CKAP5: variants seen among roughly 807,000 people sequenced by gnomAD.
The protein encoded by CKAP5 is cytoskeleton associated protein 5.
CKAP5 carries 27 observed loss-of-function variants against 232.8 expected under a neutral mutation model. The ratio of observed to expected loss-of-function variants is 0.12; its 90% CI spans 0.09 to 0.16. CKAP5 has a LOEUF of 0.16. Among genes scored for constraint, CKAP5 ranks in the 10% least tolerant of loss-of-function variants. The pLI is 1.00. For missense variants in CKAP5, 1,838 were observed against 2,424.7 expected, an observed-to-expected ratio of 0.76 and a Z score of 5.08; for synonymous variants, 785 against 841.1, an observed-to-expected ratio of 0.93 and a Z score of 1.16.
At chr11:46,782,260 G>C (rs909130056) in intron 18 of CKAP5, among the ~76,000 whole-genome samples, 2 of 152,038 alleles carry the variant, frequency 1.3e-5, no homozygotes, top group Non-Finnish European at 2.9e-5. Flanking sequence ...TGAAGGACTG[G>C]AACAAACAAT....
Position 46,792,202 on chromosome 11 carries a change from A to G in CKAP5, c.1651-1619T>C, listed in dbSNP as rs183533340. 0.019 allele frequency among the ~76,000 whole-genome samples: 140 copies of G among 7,556 alleles called. No individual in the cohort carries two copies. In the Non-Finnish European group the frequency reaches 0.3, roughly 16 times the overall value. 5.0% of individuals were successfully genotyped at this position (7,556 alleles called of 152,430 possible). A position where few individuals can be genotyped will look rare whatever the true frequency, so the allele number is the denominator to read the frequency against. On this transcript the variant is annotated intron_variant, in intron 13 of 43. Transcript: ENST00000529230. The stretch of plus-strand genomic sequence containing the variant: ...TATATGGAGAGATACTTCAAATAAC[A>G]AATCTACTATTCTTTTTGTTGTTGT...
chr11:46,751,581 A>G, intron 38 of CKAP5, 47 bp from the exon 39 acceptor site: 1 of 1,473,142 alleles, frequency 6.8e-7, no homozygotes, highest in Non-Finnish European at 9.2e-7. Flanking sequence ...AAGAATGAGG[A>G]TAATTTGTCA....
chr11:46,814,726 T>A (rs1194176059), intron 4 of CKAP5, among the ~76,000 whole-genome samples: 1 of 152,212 alleles, frequency 6.6e-6, no homozygotes, highest in Admixed American at 6.5e-5. Context: ...ATGAAAAATT[T>A]CATGGCCAAA....
Position 46,760,990 on chromosome 11 carries a change from T to G in CKAP5, c.4222-206A>C, listed in dbSNP as rs567573404. Reference sequence around the variant, plus strand: ...GGGGCTGGGCACAGTGGCTCATGCATGTAATCCCAGCACTTTGGGAGGCCA... The same window carrying G: ...GGGGCTGGGCACAGTGGCTCATGCAGGTAATCCCAGCACTTTGGGAGGCCA... On this transcript the variant is annotated intron_variant, in intron 32 of 43. Coordinates refer to ENST00000529230, the MANE Select transcript of CKAP5 (RefSeq NM_001008938.4). 9.2e-5 allele frequency among the ~76,000 whole-genome samples: 14 copies of G among 152,310 alleles called. No individual in the cohort carries two copies. In the East Asian group the frequency reaches 2.5e-3, roughly 27 times the overall value.
At chr11:46,752,311 T>A (rs2065075722) in intron 38 of CKAP5, among the ~76,000 whole-genome samples, 2 of 147,702 alleles carry the variant, frequency 1.4e-5, no homozygotes, top group Admixed American at 1.4e-4. Flanking sequence ...CACATATATA[T>A]AAAAAACCAT....
chr11:46,806,068 T>C (rs1939146987), intron 8 of CKAP5, among the ~76,000 whole-genome samples: 1 of 152,234 alleles, frequency 6.6e-6, no homozygotes, highest in African/African-American at 2.4e-5. Flanking sequence ...AGCCACAAAA[T>C]TCAGTTTCTT....
chr11:46,795,764 A>G lies in CKAP5; in HGVS notation c.1480T>C (p.Ser494Pro). 1 of 1,613,298 alleles carries G rather than the reference A, an allele frequency of 6.2e-7. No individual in the cohort carries two copies. ...CCATGTATCAGTTCTACCTTTTCTG[A>G]ACATTCTTTGATCTGGAGAATGAAA... ...KLKLDKIKEC[S>P]EKVELIHGKK... is the part of the protein sequence containing the mutation. Residue 494 changes from serine (S) to proline (P), a missense_variant, in exon 13 of 44, where the codon TCA becomes CCA. By Grantham distance (74) the Ser-to-Pro change is moderately conservative (BLOSUM62 -1). This residue lies in a region of CKAP5 where 767 missense variants were observed against 954.6 expected (regional missense o/e 0.80). Transcript: ENST00000529230.
At chr11:46,815,925 C>T (rs559499080) in intron 4 of CKAP5, among the ~76,000 whole-genome samples, 3 of 152,288 alleles carry the variant, frequency 2.0e-5, no homozygotes, top group African/African-American at 7.2e-5. Context: ...GAACAGCTAC[C>T]AAGCGAGAAT....
intron 27 of CKAP5, among the ~76,000 whole-genome samples, chr11:46,766,040 G>T (rs1358150641): frequency 1.3e-5 from 2 of 152,152 alleles, no homozygotes; most frequent in Admixed American, 6.5e-5. Flanking sequence ...CACTAAAGTG[G>T]TTTTAAAAAA....
intron 8 of CKAP5, among the ~76,000 whole-genome samples, chr11:46,805,408 G>GA (rs982326929): frequency 3.3e-5 from 5 of 151,854 alleles, no homozygotes; most frequent in African/African-American, 1.2e-4. Context: ...TTCATTAAAG[G>GA]AAAAAAATTG....
intron 1 of CKAP5, among the ~76,000 whole-genome samples, chr11:46,823,715 G>T (rs1939594507): frequency 1.3e-5 from 2 of 152,078 alleles, no homozygotes; most frequent in South Asian, 4.1e-4. Flanking sequence ...CCGCCTCCCG[G>T]GTTCAAGTGA....
At chr11:46,768,254 G>A (rs1028941534) in intron 26 of CKAP5, among the ~76,000 whole-genome samples, 3 of 151,612 alleles carry the variant, frequency 2.0e-5, no homozygotes, top group East Asian at 2.0e-4. Flanking sequence ...GCAATAGCAC[G>A]TTCAGGGCTC....
chr11:46,842,540 C>T (rs933202878), intron 1 of CKAP5, among the ~76,000 whole-genome samples: 11 of 152,080 alleles, frequency 7.2e-5, no homozygotes, highest in African/African-American at 2.7e-4. Flanking sequence ...GTTCGAGAAG[C>T]CTTATCAAAT....
intron 1 of CKAP5, chr11:46,826,628 C>T (rs1370818517): frequency 2.0e-5 from 3 of 152,364 alleles, no homozygotes; most frequent in Non-Finnish European, 4.4e-5. Flanking sequence ...GGCTTTAGCT[C>T]ACTGGAGCCG....
Position 46,760,620 on chromosome 11 carries a change from G to A in CKAP5, c.4386C>T (p.Ser1462=). ...TATCTCTATCTACATACTTGAGTTT[G>A]GAAGACATGTCCTCAGCTGGTCCCT... ...LRKGPAEDMS[S]KLNQARSMSG... is the part of the protein sequence containing the mutation. Residue 1462 remains serine, a synonymous_variant, in exon 33 of 44, where the codon TCC becomes TCT. Transcript: ENST00000529230. The A allele has an allele frequency of 1.9e-6, 3 of 1,614,116 alleles. No individual in the cohort carries two copies. The highest frequency in any genetic ancestry group is 2.5e-6 in the Non-Finnish European group (3 of 1,179,990).
chr11:46,770,299 C>T (rs1156484369), intron 25 of CKAP5: 4 of 598,778 alleles, frequency 6.7e-6, no homozygotes, highest in Non-Finnish European at 1.2e-5. Flanking sequence ...TCTAGAAGGT[C>T]ACAGTTTTCA....
chr11:46,752,179 TATATATATATATATACAC>T (rs2065070180), intron 38 of CKAP5, among the ~76,000 whole-genome samples: 1 of 42,898 alleles, frequency 2.3e-5, no homozygotes, highest in African/African-American at 9.8e-5. Flanking sequence ...TATATATATA[TATATATATATATATACAC>T]ACACACACAC....
At chr11:46,832,289 T>G (rs1939810996) in intron 1 of CKAP5, among the ~76,000 whole-genome samples, 1 of 152,256 alleles carries the variant, frequency 6.6e-6, no homozygotes, top group South Asian at 2.1e-4. Context: ...TGAAATTTTC[T>G]AAGATTTTTG....
At chr11:46,790,377 G>A in intron 14 of CKAP5, 93 bp downstream of exon 14, 2 of 961,792 alleles carry the variant, frequency 2.1e-6, no homozygotes, top group Non-Finnish European at 3.2e-6. Context: ...TCAATTAACT[G>A]TACGTTGTAG....
Sources: gnomAD v4.1 joint callset for allele counts (sites outside exome capture counted in the v4.1 genomes callset) on GRCh38, gnomAD v4.1.1 for gene constraint, gnomAD v4.1.1 regional missense constraint, MANE v1.5 for transcripts, NCBI Gene and HGNC (gene_info 2026-07-23, HGNC 2026-07-21) for gene names.